Variants in ADORA2B observed in about 807,000 individuals in gnomAD.
The protein encoded by ADORA2B is adenosine A2b receptor.
ADORA2B carries 18 observed loss-of-function variants against 20.8 expected under a neutral mutation model. The observed-to-expected ratio is 0.87, with a 90% CI of 0.60 to 1.29. ADORA2B has a LOEUF of 1.29. Among genes scored for constraint, ADORA2B ranks in the 50% most tolerant of loss-of-function variants. ADORA2B has a pLI of 0.00. For missense variants in ADORA2B, 441 were observed against 422.7 expected (o/e 1.04, Z -0.38); for synonymous variants, 179 against 178.3 (o/e 1.00, Z -0.03).
At chr17:15,880,265 C>T in the ADORA2B span, among the ~76,000 whole-genome samples, 5 of 132,934 alleles carry the variant, frequency 3.8e-5, no homozygotes, top group Non-Finnish European at 1.6e-5. Context: ...GAGATTATGT[C>T]GAACCATACA....
At chr17:15,867,220 TGAG>T in the ADORA2B span, among the ~76,000 whole-genome samples, 1 of 151,256 alleles carries the variant, frequency 6.6e-6, no homozygotes, top group African/African-American at 2.4e-5. Context: ...GTCTGGGAAG[TGAG>T]GAGCATCTCT....
chr17:15,907,631 A>G, the ADORA2B span, among the ~76,000 whole-genome samples: 1 of 152,212 alleles, frequency 6.6e-6, no homozygotes, highest in South Asian at 2.1e-4. Context: ...TCAATCAGTA[A>G]AAACCAGCAA....
At chr17:15,939,879 AAAAG>A in the ADORA2B span, among the ~76,000 whole-genome samples, 6 of 144,238 alleles carry the variant, frequency 4.2e-5, no homozygotes, top group African/African-American at 1.5e-4. Flanking sequence ...AAAAAAAAAA[AAAAG>A]AAGTTACATT....
the ADORA2B span, among the ~76,000 whole-genome samples, chr17:15,888,360 C>T: frequency 7.8e-6 from 1 of 128,944 alleles, no homozygotes; most frequent in East Asian, 2.1e-4. Context: ...TCCATGCAGC[C>T]TATATACTTG....
chr17:15,959,389 C>T (rs1051921390), intron 1 of ADORA2B, among the ~76,000 whole-genome samples: 1 of 151,912 alleles, frequency 6.6e-6, no homozygotes, highest in Non-Finnish European at 1.5e-5. Context: ...ATGACTAATA[C>T]AGTGCATTAC....
the ADORA2B span, among the ~76,000 whole-genome samples, chr17:15,935,574 G>A: frequency 8.6e-5 from 13 of 151,924 alleles, no homozygotes; most frequent in Admixed American, 2.6e-4. Flanking sequence ...GAGTTTCTTC[G>A]ATGTACATGC....
At chr17:15,853,620 A>T in the ADORA2B span, among the ~76,000 whole-genome samples, 4 of 152,212 alleles carry the variant, frequency 2.6e-5, no homozygotes, top group African/African-American at 9.6e-5. Flanking sequence ...AAACTGACAT[A>T]AAAAGTAGTA....
chr17:15,890,444 A>T, the ADORA2B span, among the ~76,000 whole-genome samples: 1 of 69,516 alleles, frequency 1.4e-5, no homozygotes, highest in African/African-American at 8.4e-5. Context: ...TTGTAGTCAG[A>T]TTTCTCATTC....
At chr17:15,872,908 C>T in the ADORA2B span, among the ~76,000 whole-genome samples, 2 of 152,076 alleles carry the variant, frequency 1.3e-5, no homozygotes, top group Non-Finnish European at 2.9e-5. Context: ...TTTCTCTTGC[C>T]TAATTGCTCT....
intron 1 of ADORA2B, among the ~76,000 whole-genome samples, chr17:15,957,151 A>G (rs994379100): frequency 2.0e-5 from 3 of 152,218 alleles, no homozygotes; most frequent in Admixed American, 6.5e-5. Flanking sequence ...CTCTACAGAT[A>G]TTGGAGACTC....
chr17:15,899,979 G>A, the ADORA2B span, among the ~76,000 whole-genome samples: 9 of 151,860 alleles, frequency 5.9e-5, no homozygotes, highest in South Asian at 2.1e-4. Context: ...TTACAGGCAC[G>A]TGCCACCATG....
chr17:15,932,490 CAAA>C, the ADORA2B span, among the ~76,000 whole-genome samples: 15 of 76,360 alleles, frequency 2.0e-4, no homozygotes, highest in African/African-American at 4.3e-4. Context: ...AAGACTCTCT[CAAA>C]AAAAAAAAAA....
the ADORA2B span, among the ~76,000 whole-genome samples, chr17:15,911,899 G>A: frequency 6.6e-5 from 10 of 152,164 alleles, no homozygotes; most frequent in African/African-American, 1.7e-4. Context: ...CCCTATCTCT[G>A]CAAGAAAATT....
the ADORA2B span, among the ~76,000 whole-genome samples, chr17:15,900,217 A>G: frequency 6.6e-6 from 1 of 152,212 alleles, no homozygotes; most frequent in South Asian, 2.1e-4. Flanking sequence ...TGCAGTGAAC[A>G]TACATGTGCA....
the ADORA2B span, among the ~76,000 whole-genome samples, chr17:15,858,060 A>G: frequency 3.4e-5 from 5 of 147,748 alleles, no homozygotes; most frequent in African/African-American, 1.2e-4. Flanking sequence ...TAACACTGCA[A>G]TGATCATGAG....
At chr17:15,952,539 C>G (rs1404694675) in intron 1 of ADORA2B, among the ~76,000 whole-genome samples, 1 of 151,754 alleles carries the variant, frequency 6.6e-6, no homozygotes, top group African/African-American at 2.4e-5. Context: ...ACTGCACACC[C>G]CGAGGTCACC....
the ADORA2B span, among the ~76,000 whole-genome samples, chr17:15,852,642 G>A: frequency 6.6e-6 from 1 of 152,004 alleles, no homozygotes; most frequent in African/African-American, 2.4e-5. Context: ...TAAGTAACAA[G>A]GTGGATAATT....
chr17:15,960,953 T>G (rs544011830), intron 1 of ADORA2B, among the ~76,000 whole-genome samples: 1 of 146,498 alleles, frequency 6.8e-6, no homozygotes, highest in Non-Finnish European at 1.5e-5. Flanking sequence ...GATTCACGAG[T>G]TCAGGAGATT....
chr17:15,883,911 G>A, the ADORA2B span, among the ~76,000 whole-genome samples: 3 of 152,216 alleles, frequency 2.0e-5, no homozygotes, highest in South Asian at 2.1e-4. Context: ...CGGAATTAAA[G>A]CTAGCAGTGA....
Sources: gnomAD v4.1 joint callset for allele counts (sites outside exome capture counted in the v4.1 genomes callset) on GRCh38, gnomAD v4.1.1 for gene constraint, MANE v1.5 for transcripts, NCBI Gene and HGNC (gene_info 2026-07-23, HGNC 2026-07-21) for gene names.